The following PPFIBP1 variants were observed in gnomAD, a reference collection of about 807,000 sequenced individuals.
PPFIBP1 encodes the protein liprin-beta-1.
Under a neutral mutation model 137.8 loss-of-function variants are expected in PPFIBP1, and 112 were observed. That is an observed-to-expected ratio of 0.81 (90% confidence interval 0.70 to 0.95). PPFIBP1 has a LOEUF of 0.95. PPFIBP1 is among the 40% of genes least tolerant of loss of function. The pLI is 0.00. For synonymous variants in PPFIBP1, 378 were observed against 417.3 expected (o/e 0.91, Z 1.15); for missense variants, 1,083 against 1,196.6 (o/e 0.91, Z 1.40).
At chr12:27,644,091 T>C (rs1312568982) in intron 4 of PPFIBP1, among the ~76,000 whole-genome samples, 1 of 152,030 alleles carries the variant, frequency 6.6e-6, no homozygotes, top group South Asian at 2.1e-4. Flanking sequence ...TTGTTTGTTT[T>C]CTTAAGACAG....
In PPFIBP1 at chr12:27,587,025, C is replaced by T. The variant is rs552174638; in HGVS notation, c.-36+8786C>T. Among the ~76,000 whole-genome samples, 115 of 152,310 alleles carry T rather than the reference C, an allele frequency of 7.6e-4. 1 individual carries two copies. Among genetic ancestry groups the T allele is most frequent in the Non-Finnish European group, 1.3e-3 (91 of 68,024 alleles). On this transcript the variant is annotated intron_variant, in intron 2 of 29. Transcript: ENST00000228425. Reference sequence around the variant, plus strand: ...TTCGGCAAAAATTATTCTTTTTAATCTCAACAAAAGCTAGATAAACTCCTG... The same window carrying T: ...TTCGGCAAAAATTATTCTTTTTAATTTCAACAAAAGCTAGATAAACTCCTG...
In PPFIBP1 at chr12:27,658,469, G is replaced by A. The variant is rs114349804; in HGVS notation, c.812-347G>A. 2.6e-3 allele frequency among the ~76,000 whole-genome samples: 396 copies of A among 152,232 alleles called. 3 individuals carry two copies. The highest frequency in any genetic ancestry group is 9.2e-3 in the African/African-American group (381 of 41,540). On this transcript the variant is annotated intron_variant, in intron 9 of 29. Transcript: ENST00000228425. ...ATTCAGGAGGACCAGGTATCAAACC[G>A]TGATGGAAATATAAAAACAAAGTGA...
At chr12:27,674,520 G>A (rs2060384087) in intron 17 of PPFIBP1, among the ~76,000 whole-genome samples, 1 of 152,210 alleles carries the variant, frequency 6.6e-6, no homozygotes, top group African/African-American at 2.4e-5. Context: ...TTGGAAGCAG[G>A]TAGAGGTGGT....
intron 20 of PPFIBP1, 134 bp from the exon 21 acceptor site, chr12:27,679,799 G>C (rs1055875541): frequency 7.2e-7 from 1 of 1,384,620 alleles, no homozygotes; most frequent in Admixed American, 2.3e-5. Flanking sequence ...CTTAGTTAAA[G>C]TTTAAATTTA....
Position 27,594,096 on chromosome 12 carries a change from G to C in PPFIBP1, c.-36+15857G>C. The C allele has an allele frequency of 1.1e-5, 12 of 1,083,194 alleles. No homozygotes were observed. In the East Asian group the frequency reaches 1.1e-4, roughly 10 times the overall value. The allele number at this position is 1,083,194 out of a possible 1,614,324, so 67.1% of individuals were successfully genotyped here. On this transcript the variant is annotated intron_variant, in intron 2 of 29. Transcript: ENST00000228425. The stretch of plus-strand genomic sequence containing the variant: ...GAGAAGCTTCAAAAAAAGAAAAGAA[G>C]AAAAAAGAAAAAGTAGGTGGGACCG...
chr12:27,683,719 G>A (rs189327666), intron 24 of PPFIBP1, among the ~76,000 whole-genome samples: 1 of 151,854 alleles, frequency 6.6e-6, no homozygotes, highest in African/African-American at 2.4e-5. Flanking sequence ...CTTTGTTTTA[G>A]GTTCCATACC....
intron 4 of PPFIBP1, among the ~76,000 whole-genome samples, chr12:27,644,129 T>C (rs2058300949): frequency 1.3e-5 from 2 of 151,988 alleles, no homozygotes; most frequent in Non-Finnish European, 2.9e-5. Flanking sequence ...CAGCCTGGAG[T>C]GCAGTGGCGC....
chr12:27,536,964 G>T (rs1945089665), intron 1 of PPFIBP1, among the ~76,000 whole-genome samples: 1 of 152,068 alleles, frequency 6.6e-6, no homozygotes, highest in African/African-American at 2.4e-5. Context: ...TTTGTGGGTG[G>T]TAGCCTAGGG....
At chr12:27,655,140 C>T in intron 8 of PPFIBP1, 1 of 1,524,938 alleles carries the variant, frequency 6.6e-7, no homozygotes, top group Non-Finnish European at 8.8e-7. Context: ...GTCTCTCTAC[C>T]AGTCTTTAAT....
rs150882332 is a variant in PPFIBP1, at chr12:27,528,912, T to A, written c.-124+4547T>A. ...TGGATGTGTTGTCACAGTTTGTGAG[T>A]GCTCTTTGGTTATGCTTCTCCCTGG... On this transcript the variant is annotated intron_variant, in intron 1 of 29. Transcript: ENST00000228425. Among the ~76,000 whole-genome samples the A allele has an allele frequency of 1.2e-4, 18 of 152,304 alleles. No homozygotes were observed. In the East Asian group the frequency reaches 3.5e-3, roughly 29 times the overall value.
intron 4 of PPFIBP1, among the ~76,000 whole-genome samples, chr12:27,637,799 CCAG>C (rs1400210489): frequency 2.0e-5 from 3 of 152,044 alleles, no homozygotes; most frequent in African/African-American, 7.2e-5. Flanking sequence ...GCAACTTGGG[CCAG>C]CATTGGGAAT....
intron 7 of PPFIBP1, among the ~76,000 whole-genome samples, chr12:27,650,677 G>A (rs2058823521): frequency 6.6e-6 from 1 of 152,150 alleles, no homozygotes; most frequent in South Asian, 2.1e-4. Flanking sequence ...AAGACTCACT[G>A]TACTTCTACA....
intron 5 of PPFIBP1, among the ~76,000 whole-genome samples, chr12:27,647,239 G>A (rs930470442): frequency 6.6e-6 from 1 of 152,120 alleles, no homozygotes; most frequent in African/African-American, 2.4e-5. Flanking sequence ...GACTTCAAGT[G>A]ATCTGCCCGC....
At chr12:27,539,545 C>T (rs1945425684) in intron 1 of PPFIBP1, among the ~76,000 whole-genome samples, 1 of 152,170 alleles carries the variant, frequency 6.6e-6, no homozygotes, top group Non-Finnish European at 1.5e-5. Flanking sequence ...GTTTTCACAT[C>T]AAGAAGCCCT....
chr12:27,632,515 T>C (rs903755378), intron 2 of PPFIBP1, among the ~76,000 whole-genome samples: 31 of 152,210 alleles, frequency 2.0e-4, no homozygotes, highest in Non-Finnish European at 4.1e-4. Flanking sequence ...ATTATCTCAA[T>C]ATATCTTTTA....
At position 27,524,362 on chromosome 12, in the gene PPFIBP1, C is replaced by A. The variant is rs147297613; in HGVS notation, c.-127C>A. The A allele has an allele frequency of 6.6e-6, 1 of 152,222 alleles. No individual in the cohort carries two copies. The highest frequency in any genetic ancestry group is 1.5e-5 in the Non-Finnish European group (1 of 68,086). 9.4% of individuals were successfully genotyped at this position (152,222 alleles called of 1,614,324 possible). A position where few individuals can be genotyped will look rare whatever the true frequency, so the allele number is the denominator to read the frequency against. On this transcript the variant is annotated 5_prime_UTR_variant, in exon 1 of 30. Transcript: ENST00000228425. The stretch of plus-strand genomic sequence containing the variant: ...ACTAGTGCCGGCGGCTCTCCACCCC[C>A]CAGGTAAGGGCGTTTTGCTCCACTC...
chr12:27,649,571 G>A (rs1378119477), intron 6 of PPFIBP1, among the ~76,000 whole-genome samples: 2 of 152,002 alleles, frequency 1.3e-5, no homozygotes, highest in African/African-American at 4.8e-5. Context: ...TTATTTTTGA[G>A]ATGGAATCTC....
At chr12:27,689,327 C>T in intron 27 of PPFIBP1, 124 bp downstream of exon 27, 1 of 753,098 alleles carries the variant, frequency 1.3e-6, no homozygotes, top group Non-Finnish European at 2.0e-6. Context: ...CCAGCAGATG[C>T]AGGAATCCTC....
intron 24 of PPFIBP1, among the ~76,000 whole-genome samples, chr12:27,687,028 GAAAC>G (rs1379141105): frequency 2.0e-5 from 3 of 152,156 alleles, no homozygotes; most frequent in African/African-American, 7.2e-5. Flanking sequence ...AACTAAAGAG[GAAAC>G]AAATAAATTC....
Sources: allele counts gnomAD v4.1 joint callset (sites outside exome capture counted in the v4.1 genomes callset), GRCh38; gene constraint gnomAD v4.1.1; transcripts MANE v1.5; gene names NCBI Gene and HGNC (gene_info 2026-07-23, HGNC 2026-07-21).